Variants in GSKIP observed in about 807,000 individuals in gnomAD.
GSKIP encodes GSK3B-interacting protein.
In GSKIP, 5 loss-of-function variants were observed where a neutral mutation model predicts 11.9. The observed-to-expected ratio is 0.42, with a 90% CI of 0.22 to 0.89. The LOEUF is 0.89. GSKIP is among the 40% of genes least tolerant of loss of function. The pLI is 0.29. For synonymous variants in GSKIP, 70 were observed against 62.9 expected, an observed-to-expected ratio of 1.11 and a Z score of -0.54; for missense variants, 150 against 166.6, an observed-to-expected ratio of 0.90 and a Z score of 0.55.
chr14:96,367,512 T>G (rs1308348656), intron 1 of GSKIP, among the ~76,000 whole-genome samples: 1 of 152,206 alleles, frequency 6.6e-6, no homozygotes, highest in Non-Finnish European at 1.5e-5. Context: ...AAGTGAAAAT[T>G]TGCACTCCAT....
chr14:96,367,908 G>C (rs73365112), intron 1 of GSKIP, among the ~76,000 whole-genome samples: 4,216 of 152,198 alleles, frequency 0.028, 210 homozygotes, highest in African/African-American at 0.096. Context: ...ACAGAATATT[G>C]CTCAGGATCT....
At chr14:96,367,385 A>G (rs1455133482) in intron 1 of GSKIP, among the ~76,000 whole-genome samples, 1 of 152,154 alleles carries the variant, frequency 6.6e-6, no homozygotes, top group African/African-American at 2.4e-5. Flanking sequence ...CCTTGTTCAT[A>G]TTGAGAGGAT....
intron 1 of GSKIP, among the ~76,000 whole-genome samples, chr14:96,376,441 C>T (rs1363616868): frequency 2.0e-5 from 3 of 152,280 alleles, no homozygotes; most frequent in African/African-American, 7.2e-5. Flanking sequence ...CTGACCTGTA[C>T]CCTTAGTCAA....
Position 96,385,674 on chromosome 14 carries a change from G to C in GSKIP, c.410G>C (p.Gly137Ala), listed in dbSNP as rs1187323833. Residue 137 changes from glycine to alanine, a missense_variant, in exon 4 of 4, where the codon GGA becomes GCA. Gly to Ala is a moderately conservative substitution (Grantham distance 60). Transcript: ENST00000555181. ...LQRLEALKRDGQS is the reference protein window; with the variant it reads ...LQRLEALKRDAQS ...AGACTGGAAGCTTTGAAAAGAGATG[G>C]ACAGTCATGACTACACTTTTTCCTT... The C allele has an allele frequency of 6.2e-7, 1 of 1,611,552 alleles. No individual in the cohort carries two copies.
chr14:96,385,988 A>G lies in GSKIP; in HGVS notation c.*304A>G. On this transcript the variant is annotated 3_prime_UTR_variant, in exon 4 of 4. Coordinates refer to ENST00000555181, the MANE Select transcript of GSKIP (RefSeq NM_016472.5). ...ACTATTACAGGGCTTTGATGCTGCC[A>G]GCACTGTCTTTTACATAGGAAATTC... 4.3e-6 allele frequency: 1 copy of G among 231,732 alleles called. No homozygotes were observed. The highest frequency in any genetic ancestry group is 8.6e-6 in the Non-Finnish European group (1 of 116,604). 14.4% of individuals were successfully genotyped at this position (231,732 alleles called of 1,614,324 possible). A position where few individuals can be genotyped will look rare whatever the true frequency, so the allele number is the denominator to read the frequency against.
At chr14:96,384,637 C>CT (rs1889439317) in intron 3 of GSKIP, 1 of 150,510 alleles carries the variant, frequency 6.6e-6, no homozygotes, top group East Asian at 1.9e-4. Context: ...GCCTGTCAGC[C>CT]TTTTGCCTAA....
At position 96,382,777 on chromosome 14, in the gene GSKIP, C is replaced by G. The variant is rs533190800; in HGVS notation, c.258+272C>G. Among the ~76,000 whole-genome samples the G allele has an allele frequency of 3.9e-4, 59 of 152,278 alleles. 1 individual carries two copies. In the Middle Eastern group the frequency reaches 0.014, roughly 35 times the overall value. ...CCCCCAAAACTAATTTATTTCTCAT[C>G]TATAGCTAAATGTGTTCACCAGAAT... On this transcript the variant is annotated intron_variant, in intron 3 of 3. Transcript: ENST00000555181.
At chr14:96,365,458 C>A (rs1888852785) in intron 1 of GSKIP, among the ~76,000 whole-genome samples, 1 of 94,812 alleles carries the variant, frequency 1.1e-5, no homozygotes, top group Admixed American at 1.6e-4. Context: ...AAAGTAGAAG[C>A]TGGGCAGTTT....
chr14:96,383,733 TC>T (rs775454261), intron 3 of GSKIP, among the ~76,000 whole-genome samples: 2 of 152,222 alleles, frequency 1.3e-5, no homozygotes, highest in Non-Finnish European at 2.9e-5. Context: ...CTCAGTTCCC[TC>T]ACAGCTGCTG....
In GSKIP at chr14:96,365,475, G is replaced by C. The variant is rs1324654739; in HGVS notation, c.-103+1907G>C. On this transcript the variant is annotated intron_variant, in intron 1 of 3. Coordinates refer to ENST00000555181, the MANE Select transcript of GSKIP (RefSeq NM_016472.5). Reference sequence around the variant, plus strand: ...AGTAGAAGCTGGGCAGTTTGGGGGTGGGGGGTGGGGCGGGCGGGGCGCAGA... The same window carrying C: ...AGTAGAAGCTGGGCAGTTTGGGGGTCGGGGGTGGGGCGGGCGGGGCGCAGA... 6.5e-5 allele frequency among the ~76,000 whole-genome samples: 9 copies of C among 137,590 alleles called. No individual in the cohort carries two copies. The South Asian group carries it at 1.6e-3, about 25-fold the overall frequency. The allele number at this position is 137,590 out of a possible 152,430, so 90.3% of individuals were successfully genotyped here. A position where few individuals can be genotyped will look rare whatever the true frequency, so the allele number is the denominator to read the frequency against.
At chr14:96,368,557 C>T (rs1278943724) in intron 1 of GSKIP, among the ~76,000 whole-genome samples, 1 of 152,178 alleles carries the variant, frequency 6.6e-6, no homozygotes, top group African/African-American at 2.4e-5. Context: ...TCAACAAAAG[C>T]ACTGCTGTGG....
chr14:96,377,679 C>T (rs1447584224), intron 1 of GSKIP, among the ~76,000 whole-genome samples: 2 of 152,210 alleles, frequency 1.3e-5, no homozygotes, highest in East Asian at 3.8e-4. Context: ...TGTCGGTCAA[C>T]ATAGCAACCT....
chr14:96,383,139 C>T (rs1031881825), intron 3 of GSKIP, among the ~76,000 whole-genome samples: 7 of 152,124 alleles, frequency 4.6e-5, no homozygotes, highest in African/African-American at 1.7e-4. Context: ...GCCAGACCTG[C>T]GGGCTCTTAC....
chr14:96,378,549 A>T (rs1205936611), intron 1 of GSKIP, among the ~76,000 whole-genome samples: 1 of 152,212 alleles, frequency 6.6e-6, no homozygotes, highest in Non-Finnish European at 1.5e-5. Flanking sequence ...GAACTGTAAG[A>T]GAATAAGTGT....
In GSKIP at chr14:96,382,257, G is replaced by T; in HGVS notation, c.10G>T (p.Asp4Tyr). Reference protein sequence around the residue: METDCNPMELSSMS... With the variant: METYCNPMELSSMS... ...TTTTTTTTTTTACAGAATGGAAACA[G>T]ACTGTAATCCCATGGAGCTAAGCAG... The change falls in exon 3 of 4, where the codon GAC becomes TAC. Residue 4 changes from aspartate (D) to tyrosine (Y), a missense_variant. Transcript: ENST00000555181. 6.4e-7 allele frequency: 1 copy of T among 1,566,802 alleles called. No homozygotes were observed. The highest frequency in any genetic ancestry group is 1.2e-5 in the South Asian group (1 of 85,362).
At chr14:96,378,770 T>C (rs1889269460) in intron 1 of GSKIP, among the ~76,000 whole-genome samples, 1 of 152,246 alleles carries the variant, frequency 6.6e-6, no homozygotes, top group Non-Finnish European at 1.5e-5. Context: ...AATCACTGCC[T>C]TTCATTATGG....
chr14:96,376,094 C>T (rs151314318), intron 1 of GSKIP, among the ~76,000 whole-genome samples: 108 of 152,222 alleles, frequency 7.1e-4, no homozygotes, highest in African/African-American at 2.6e-3. Flanking sequence ...AATAGCACAC[C>T]CCAATTAAAA....
chr14:96,374,798 A>G (rs1356176707), intron 1 of GSKIP, among the ~76,000 whole-genome samples: 1 of 151,932 alleles, frequency 6.6e-6, no homozygotes, highest in East Asian at 1.9e-4. Flanking sequence ...ATTCATCAAC[A>G]GCAGACCTAC....
Position 96,385,670 on chromosome 14 carries a change from G to A in GSKIP, c.406G>A (p.Asp136Asn). The A allele has an allele frequency of 6.2e-7, 1 of 1,612,278 alleles. No homozygotes were observed. The highest frequency in any genetic ancestry group is 8.5e-7 in the Non-Finnish European group (1 of 1,179,390). The stretch of plus-strand genomic sequence containing the variant: ...TCAAAGACTGGAAGCTTTGAAAAGA[G>A]ATGGACAGTCATGACTACACTTTTT... ...LLQRLEALKR[D>N]GQS Residue 136 changes from aspartate to asparagine, a missense_variant, in exon 4 of 4, where the codon GAT becomes AAT. Coordinates refer to ENST00000555181, the MANE Select transcript of GSKIP (RefSeq NM_016472.5).
Sources: allele counts gnomAD v4.1 joint callset (sites outside exome capture counted in the v4.1 genomes callset), GRCh38; gene constraint gnomAD v4.1.1; transcripts MANE v1.5; gene names NCBI Gene and HGNC (gene_info 2026-07-23, HGNC 2026-07-21).